The following CDYL variants were observed in gnomAD, a reference collection of about 807,000 sequenced individuals.
The protein encoded by CDYL is chromodomain Y like.
Under a neutral mutation model 47.3 loss-of-function variants are expected in CDYL, and 8 were observed. The observed-to-expected ratio is 0.17, with a 90% confidence interval of 0.10 to 0.31. The LOEUF is 0.31. Ranked by LOEUF, CDYL falls within the 10% of genes least tolerant of loss-of-function variation. The pLI is 1.00. For missense variants in CDYL, 471 were observed against 701.4 expected (o/e 0.67, Z 3.71); for synonymous variants, 266 against 265.0 (o/e 1.00, Z -0.04).
At chr6:4,942,897 G>A (rs528845354) in intron 4 of CDYL, among the ~76,000 whole-genome samples, 36 of 152,348 alleles carry the variant, frequency 2.4e-4, no homozygotes, top group Non-Finnish European at 4.7e-4. Context: ...GCCCTGTGCT[G>A]TTTGCTCTTC....
upstream of CDYL, among the ~76,000 whole-genome samples, chr6:4,774,151 T>C (rs1486609428): frequency 2.0e-5 from 3 of 152,208 alleles, no homozygotes; most frequent in Admixed American, 6.5e-5. Context: ...GTAATGGTCA[T>C]GGCGAGAAGT....
intron 1 of CDYL, among the ~76,000 whole-genome samples, chr6:4,797,538 A>G (rs142885046): frequency 2.6e-5 from 4 of 151,926 alleles, no homozygotes; most frequent in East Asian, 3.9e-4. Context: ...CGCCACCACT[A>G]TCTAATACCA....
At chr6:4,856,062 T>G (rs754046059) in intron 1 of CDYL, among the ~76,000 whole-genome samples, 2 of 152,200 alleles carry the variant, frequency 1.3e-5, no homozygotes, top group Non-Finnish European at 2.9e-5. Context: ...TCATATAGAT[T>G]ATAGAGATCT....
chr6:4,842,584 T>G (rs1760533715), intron 1 of CDYL, among the ~76,000 whole-genome samples: 1 of 152,154 alleles, frequency 6.6e-6, no homozygotes, highest in Non-Finnish European at 1.5e-5. Context: ...TAAGAATAGC[T>G]ACTCCTGCTT....
At chr6:4,824,111 A>G (rs1759914783) in intron 1 of CDYL, among the ~76,000 whole-genome samples, 1 of 152,174 alleles carries the variant, frequency 6.6e-6, no homozygotes, top group Non-Finnish European at 1.5e-5. Flanking sequence ...GATACACCAC[A>G]TTTTATGTAT....
chr6:4,724,879 G>A (rs936206451), intron 2 of CDYL: 7 of 152,286 alleles, frequency 4.6e-5, no homozygotes, highest in East Asian at 1.9e-4. Flanking sequence ...GACCACAGCA[G>A]ATTACCGCTG....
rs528530056 is a variant in CDYL at position 4,809,725 on chromosome 6, G to A, written c.24+32918G>A. Among the ~76,000 whole-genome samples the A allele has an allele frequency of 2.2e-5, 3 of 133,946 alleles. No homozygotes were observed. The South Asian group carries it at 7.7e-4, about 34-fold the overall frequency. 87.9% of individuals were successfully genotyped at this position (133,946 alleles called of 152,430 possible). A position where few individuals can be genotyped will look rare whatever the true frequency, so the allele number is the denominator to read the frequency against. On this transcript the variant is annotated intron_variant, in intron 1 of 6. Coordinates refer to ENST00000397588, the MANE Select transcript of CDYL (RefSeq NM_004824.4). ...TTAGTCCTTGGCGATACTTTGTATG[G>A]TAGGGGTATTATATTAGTCCTTGGC...
intron 1 of CDYL, among the ~76,000 whole-genome samples, chr6:4,809,169 T>TA (rs577621388): frequency 1.8e-4 from 28 of 152,110 alleles, no homozygotes; most frequent in South Asian, 4.2e-4. Context: ...TTATCTTTCT[T>TA]AAAAAAAAGA....
chr6:4,793,802 C>T (rs1018502008), intron 1 of CDYL, among the ~76,000 whole-genome samples: 4 of 151,910 alleles, frequency 2.6e-5, no homozygotes, highest in African/African-American at 4.8e-5. Context: ...GGATGGATAT[C>T]GGATATGAGG....
At chr6:4,734,658 G>T in intron 2 of CDYL, 2 of 1,478,206 alleles carry the variant, frequency 1.4e-6, no homozygotes, top group Non-Finnish European at 1.8e-6. Flanking sequence ...AGGAAGGGGA[G>T]GGCACAGGGA....
chr6:4,732,425 T>A (rs1291512136), intron 2 of CDYL, among the ~76,000 whole-genome samples: 1 of 151,578 alleles, frequency 6.6e-6, no homozygotes, highest in Non-Finnish European at 1.5e-5. Flanking sequence ...AGGCAGAGGC[T>A]GGAGGATCAC....
intron 2 of CDYL, among the ~76,000 whole-genome samples, chr6:4,925,526 C>T (rs1039640499): frequency 4.0e-5 from 6 of 151,320 alleles, no homozygotes; most frequent in African/African-American, 9.7e-5. Context: ...TGCCATTCTC[C>T]TGCCTCAGCC....
intron 1 of CDYL, among the ~76,000 whole-genome samples, chr6:4,793,035 T>C (rs1758968391): frequency 6.6e-6 from 1 of 152,190 alleles, no homozygotes; most frequent in Non-Finnish European, 1.5e-5. Context: ...ATTCATACCA[T>C]GCTGGCTTGA....
At chr6:4,709,349 C>T (rs1757107379) in intron 1 of CDYL, among the ~76,000 whole-genome samples, 1 of 152,178 alleles carries the variant, frequency 6.6e-6, no homozygotes, top group Admixed American at 6.5e-5. Context: ...GCACTCACCA[C>T]CCCATGCCCG....
intron 1 of CDYL, among the ~76,000 whole-genome samples, chr6:4,706,511 G>A (rs1035029046): frequency 4.0e-5 from 6 of 151,766 alleles, no homozygotes; most frequent in African/African-American, 1.5e-4. Context: ...ACTACAATTA[G>A]GCCGGGTATG....
At chr6:4,847,016 G>A (rs1035580533) in intron 1 of CDYL, among the ~76,000 whole-genome samples, 3 of 152,122 alleles carry the variant, frequency 2.0e-5, no homozygotes, top group Admixed American at 2.0e-4. Flanking sequence ...TTCTTATTCT[G>A]CACACTACGT....
intron 1 of CDYL, among the ~76,000 whole-genome samples, chr6:4,832,561 G>A (rs979253999): frequency 2.0e-5 from 3 of 151,204 alleles, no homozygotes; most frequent in African/African-American, 7.3e-5. Flanking sequence ...TCTCTGCCTG[G>A]CTTTGGTATC....
intron 1 of CDYL, among the ~76,000 whole-genome samples, chr6:4,850,833 G>A (rs1172473308): frequency 6.6e-6 from 1 of 152,166 alleles, no homozygotes; most frequent in African/African-American, 2.4e-5. Flanking sequence ...AAATTTTCAA[G>A]TGTTAAAAAA....
intron 1 of CDYL, among the ~76,000 whole-genome samples, chr6:4,830,045 TG>T (rs1199670092): frequency 6.6e-6 from 1 of 152,240 alleles, no homozygotes; most frequent in African/African-American, 2.4e-5. Context: ...TTTTTGGAAA[TG>T]TTTCTGTATG....
Sources: gnomAD v4.1 joint callset for allele counts (sites outside exome capture counted in the v4.1 genomes callset) on GRCh38, gnomAD v4.1.1 for gene constraint, MANE v1.5 for transcripts, NCBI Gene and HGNC (gene_info 2026-07-23, HGNC 2026-07-21) for gene names.